Variants in AKR1C8 observed in about 807,000 individuals in gnomAD.
AKR1C8 encodes aldo-keto reductase family 1 member C8.
At chr10:5,123,433 G>T in the AKR1C8 span, 1 of 421,932 alleles carries the variant, frequency 2.4e-6, no homozygotes, top group East Asian at 4.2e-5. Flanking sequence ...GTGAGTTCTG[G>T]TCCACCCTGG....
chr10:5,176,208 T>C, the AKR1C8 span, among the ~76,000 whole-genome samples: 4 of 146,442 alleles, frequency 2.7e-5, no homozygotes, highest in Non-Finnish European at 6.1e-5. Flanking sequence ...CTAGCCAGTT[T>C]TCCCAGCACC....
chr10:5,170,146 G>T, the AKR1C8 span, among the ~76,000 whole-genome samples: 1 of 151,998 alleles, frequency 6.6e-6, no homozygotes. Context: ...GTGATGGTCG[G>T]GGGACTCAGA....
At chr10:5,128,606 A>G in the AKR1C8 span, among the ~76,000 whole-genome samples, 137 of 152,262 alleles carry the variant, frequency 9.0e-4, 2 homozygotes, top group African/African-American at 3.2e-3. Context: ...TTCCATGCAA[A>G]TGGAAACCAA....
the AKR1C8 span, among the ~76,000 whole-genome samples, chr10:5,180,265 C>A: frequency 4.6e-5 from 7 of 152,124 alleles, no homozygotes; most frequent in South Asian, 2.1e-4. Context: ...TCTGGGTATC[C>A]GCAGCAGAGA....
the AKR1C8 span, among the ~76,000 whole-genome samples, chr10:5,129,126 G>A: frequency 2.0e-5 from 3 of 151,962 alleles, no homozygotes; most frequent in African/African-American, 7.2e-5. Context: ...CTCTGAAAGG[G>A]ACCCTCAAAA....
the AKR1C8 span, chr10:5,123,902 G>T: frequency 5.0e-6 from 7 of 1,387,644 alleles, no homozygotes; most frequent in Middle Eastern, 2.3e-4. Context: ...TAAAGTAAAA[G>T]GAGGTGAATA....
chr10:5,143,034 G>A, the AKR1C8 span, among the ~76,000 whole-genome samples: 1 of 152,062 alleles, frequency 6.6e-6, no homozygotes, highest in African/African-American at 2.4e-5. Context: ...GTTAATTTTA[G>A]GTGCCAACTG....
chr10:5,183,454 C>T, the AKR1C8 span, among the ~76,000 whole-genome samples: 1 of 152,264 alleles, frequency 6.6e-6, no homozygotes, highest in South Asian at 2.1e-4. Context: ...CATTTTAATA[C>T]ATGTACTCTA....
At chr10:5,123,553 T>C in the AKR1C8 span, 2 of 683,208 alleles carry the variant, frequency 2.9e-6, no homozygotes, top group African/African-American at 1.8e-5. Context: ...GTGAGGCCCC[T>C]GAATAACAGC....
chr10:5,169,434 T>C, the AKR1C8 span, among the ~76,000 whole-genome samples: 1 of 152,168 alleles, frequency 6.6e-6, no homozygotes, highest in Admixed American at 6.6e-5. Flanking sequence ...ATGGCCATGA[T>C]TCTGTTGGTT....
At chr10:5,121,148 C>G in the AKR1C8 span, among the ~76,000 whole-genome samples, 4 of 152,040 alleles carry the variant, frequency 2.6e-5, no homozygotes, top group African/African-American at 9.7e-5. Flanking sequence ...CATTTTTTCC[C>G]TATTTCTACA....
At chr10:5,164,851 TC>T in the AKR1C8 span, among the ~76,000 whole-genome samples, 1 of 152,326 alleles carries the variant, frequency 6.6e-6, no homozygotes, top group South Asian at 2.1e-4. Context: ...CAACAGCCTG[TC>T]AGGGCTTTGG....
chr10:5,171,300 T>C, the AKR1C8 span, among the ~76,000 whole-genome samples: 1 of 152,066 alleles, frequency 6.6e-6, no homozygotes, highest in African/African-American at 2.4e-5. Context: ...GTAGCCATAG[T>C]TGAAGACACA....
chr10:5,177,560 G>T, the AKR1C8 span, among the ~76,000 whole-genome samples: 1 of 152,178 alleles, frequency 6.6e-6, no homozygotes, highest in Admixed American at 6.5e-5. Flanking sequence ...AATGGTACCA[G>T]TTCCTCCTTG....
the AKR1C8 span, among the ~76,000 whole-genome samples, chr10:5,163,919 C>A: frequency 3.9e-5 from 6 of 151,992 alleles, no homozygotes; most frequent in African/African-American, 1.5e-4. Flanking sequence ...AGAACAAGAC[C>A]CAACATAGAA....
the AKR1C8 span, among the ~76,000 whole-genome samples, chr10:5,150,242 G>A: frequency 6.6e-6 from 1 of 152,044 alleles, no homozygotes; most frequent in African/African-American, 2.4e-5. Flanking sequence ...GCAAGTCTTG[G>A]ACAAGAGGTG....
the AKR1C8 span, among the ~76,000 whole-genome samples, chr10:5,150,504 T>G: frequency 6.6e-6 from 1 of 152,182 alleles, no homozygotes; most frequent in South Asian, 2.1e-4. Context: ...AGTTAAACAC[T>G]ATTTCATATT....
chr10:5,183,557 A>T, the AKR1C8 span, among the ~76,000 whole-genome samples: 2 of 152,216 alleles, frequency 1.3e-5, no homozygotes, highest in Non-Finnish European at 2.9e-5. Flanking sequence ...TCTTCCAAAG[A>T]TCATTAAACC....
chr10:5,153,199 C>T, the AKR1C8 span, among the ~76,000 whole-genome samples: 6 of 151,770 alleles, frequency 4.0e-5, no homozygotes, highest in East Asian at 7.7e-4. Context: ...GCTAAAACAA[C>T]GTGTGGCATA....
Sources: gnomAD v4.1 joint callset for allele counts (sites outside exome capture counted in the v4.1 genomes callset) on GRCh38, gnomAD v4.1.1 for gene constraint, MANE v1.5 for transcripts, NCBI Gene and HGNC (gene_info 2026-07-23, HGNC 2026-07-21) for gene names.